The following FLT1 variants were observed in gnomAD, a reference collection of about 807,000 sequenced individuals.
FLT1 encodes the protein vascular endothelial growth factor receptor 1.
A neutral mutation model predicts 156.3 loss-of-function variants in FLT1; 49 were observed. The observed-to-expected ratio is 0.31, with a 90% CI of 0.25 to 0.40. FLT1 has a LOEUF of 0.40. Among genes scored for constraint, FLT1 ranks in the 10% least tolerant of loss-of-function variants. The pLI is 1.00. For missense variants in FLT1, 1,322 were observed against 1,637.2 expected, an observed-to-expected ratio of 0.81 and a Z score of 3.32; for synonymous variants, 594 against 583.8, an observed-to-expected ratio of 1.02 and a Z score of -0.25.
intron 23 of FLT1, among the ~76,000 whole-genome samples, chr13:28,319,896 G>A (rs1383773097): frequency 6.6e-6 from 1 of 152,214 alleles, no homozygotes; most frequent in Non-Finnish European, 1.5e-5. Context: ...AAGATATCCT[G>A]AAAACTGGTG....
At chr13:28,431,890 A>G (rs112506189) in intron 6 of FLT1, among the ~76,000 whole-genome samples, 2,031 of 139,192 alleles carry the variant, frequency 0.015, 58 homozygotes, top group African/African-American at 0.05. Context: ...TGTACTTACT[A>G]AGGTGGAATA....
At chr13:28,427,082 T>C (rs753891497) in intron 10 of FLT1, 77 bp downstream of exon 10, 142 of 1,326,788 alleles carry the variant, frequency 1.1e-4, no homozygotes, top group Non-Finnish European at 1.4e-4. Context: ...CAGATTCCCA[T>C]CTGCGTCCAT....
chr13:28,360,191 T>G (rs773571918), intron 14 of FLT1, among the ~76,000 whole-genome samples: 50 of 152,134 alleles, frequency 3.3e-4, no homozygotes, highest in Non-Finnish European at 4.9e-4. Context: ...AGATCACAAG[T>G]GTTGATGAGG....
chr13:28,305,986 G>A (rs533320663), intron 29 of FLT1, among the ~76,000 whole-genome samples: 15 of 152,266 alleles, frequency 9.9e-5, no homozygotes, highest in African/African-American at 2.9e-4. Flanking sequence ...TTCTGCCTTC[G>A]GGTGAGACAG....
chr13:28,492,768 C>T (rs1040083896), intron 1 of FLT1, among the ~76,000 whole-genome samples: 10 of 152,120 alleles, frequency 6.6e-5, no homozygotes, highest in Admixed American at 4.6e-4. Context: ...GTAAAGTAGG[C>T]GGTAGCTGAT....
intron 1 of FLT1, among the ~76,000 whole-genome samples, chr13:28,494,064 C>T (rs1305368700): frequency 6.6e-6 from 1 of 152,226 alleles, no homozygotes; most frequent in Admixed American, 6.5e-5. Flanking sequence ...GAGGCCCCAC[C>T]CGGGTGGCTG....
chr13:28,387,146 A>G (rs1874412335), intron 13 of FLT1: 1 of 1,035,404 alleles, frequency 9.7e-7, no homozygotes, highest in Non-Finnish European at 1.2e-6. Context: ...CACAAACTTC[A>G]GATGATAGAA....
Position 28,430,114 on chromosome 13 carries a change from C to G in FLT1, c.1042G>C (p.Ala348Pro). Residue 348 changes from alanine (A) to proline (P), a missense_variant, in exon 8 of 30, where the codon GCT becomes CCT. Physicochemically the swap from Ala to Pro is conservative, Grantham distance 27. Coordinates refer to ENST00000282397, the MANE Select transcript of FLT1 (RefSeq NM_002019.4). ...HRKQQVLETV[A>P]GKRSYRLSMK... ...GAGAGCCGGTAAGACCGCTTGCCAGCTACGGTTTCAAGCACCTGCTGTTTT... is the reference window on the plus strand; with the variant it reads ...GAGAGCCGGTAAGACCGCTTGCCAGGTACGGTTTCAAGCACCTGCTGTTTT... 6.2e-7 allele frequency: 1 copy of G among 1,614,024 alleles called. No homozygotes were observed. The highest frequency in any genetic ancestry group is 8.5e-7 in the Non-Finnish European group (1 of 1,179,900).
At chr13:28,305,605 G>A (rs1481568478) in intron 29 of FLT1, among the ~76,000 whole-genome samples, 1 of 152,220 alleles carries the variant, frequency 6.6e-6, no homozygotes, top group Non-Finnish European at 1.5e-5. Flanking sequence ...TGTAAATACA[G>A]TGTGTGGGAA....
chr13:28,399,985 G>A (rs1177472452), intron 11 of FLT1, among the ~76,000 whole-genome samples: 1 of 152,178 alleles, frequency 6.6e-6, no homozygotes, highest in African/African-American at 2.4e-5. Context: ...GGACAACTGA[G>A]GTTCCGAGAG....
intron 13 of FLT1, chr13:28,387,487 G>A (rs1874429896): frequency 9.4e-7 from 1 of 1,059,858 alleles, no homozygotes; most frequent in African/African-American, 1.6e-5. Flanking sequence ...CCTTCAAATT[G>A]AGAAAATCAG....
chr13:28,399,577 C>T (rs940106796), intron 11 of FLT1, among the ~76,000 whole-genome samples: 8 of 152,070 alleles, frequency 5.3e-5, no homozygotes, highest in African/African-American at 1.9e-4. Flanking sequence ...TGGGAATGGC[C>T]GTGGCCATTT....
chr13:28,321,277 G>A (rs1871449328), intron 23 of FLT1, among the ~76,000 whole-genome samples, 186 bp downstream of exon 23: 2 of 152,226 alleles, frequency 1.3e-5, no homozygotes, highest in South Asian at 4.1e-4. Flanking sequence ...AGAAGCAGGA[G>A]ACAGTGGCCT....
At chr13:28,421,995 T>C (rs980490309) in intron 10 of FLT1, among the ~76,000 whole-genome samples, 2 of 152,246 alleles carry the variant, frequency 1.3e-5, no homozygotes, top group African/African-American at 4.8e-5. Flanking sequence ...GTAGATATTT[T>C]ACAGATACAT....
rs188497912 is a variant in FLT1 at position 28,360,377 on chromosome 13, G to A, written c.2117-2692C>T. The stretch of plus-strand genomic sequence containing the variant: ...TTGAAATCAAGGATGCTGAAGAGAT[G>A]TCTGCATTCCCATGTTTATTGCAGC... On this transcript the variant is annotated intron_variant, in intron 14 of 29. Transcript: ENST00000282397. Among the ~76,000 whole-genome samples, 17 of 152,326 alleles carry A rather than the reference G, an allele frequency of 1.1e-4. No homozygotes were observed. The East Asian group carries it at 3.1e-3, about 28-fold the overall frequency.
At chr13:28,490,401 A>G (rs1454520300) in intron 1 of FLT1, among the ~76,000 whole-genome samples, 4 of 152,248 alleles carry the variant, frequency 2.6e-5, no homozygotes, top group Non-Finnish European at 5.9e-5. Context: ...TATCTTCAGC[A>G]GACTCAATGC....
At chr13:28,490,656 G>T (rs140843233) in intron 1 of FLT1, among the ~76,000 whole-genome samples, 50 of 152,248 alleles carry the variant, frequency 3.3e-4, no homozygotes, top group Admixed American at 9.2e-4. Flanking sequence ...TCCTATAAAC[G>T]AAGGCCAATG....
At chr13:28,355,789 GA>G (rs1426414820) in intron 15 of FLT1, among the ~76,000 whole-genome samples, 2 of 152,228 alleles carry the variant, frequency 1.3e-5, no homozygotes, top group Non-Finnish European at 2.9e-5. Flanking sequence ...CTGGAGCAGT[GA>G]AAGAATAACA....
rs566135454 is a variant in FLT1, at chr13:28,347,302, C to A, written c.2249-1751G>T. 8.6e-5 allele frequency among the ~76,000 whole-genome samples: 13 copies of A among 151,852 alleles called. No individual in the cohort carries two copies. The East Asian group carries it at 2.3e-3, about 27-fold the overall frequency. On this transcript the variant is annotated intron_variant, in intron 15 of 29. Transcript: ENST00000282397. ...CTTTGGGAGGCCGAGACGGGCAGATCACCTGAGGTCAGGAGTTCAAAACCA... is the reference window on the plus strand; with the variant it reads ...CTTTGGGAGGCCGAGACGGGCAGATAACCTGAGGTCAGGAGTTCAAAACCA...
Sources: gnomAD v4.1 joint callset for allele counts (sites outside exome capture counted in the v4.1 genomes callset) on GRCh38, gnomAD v4.1.1 for gene constraint, MANE v1.5 for transcripts, NCBI Gene and HGNC (gene_info 2026-07-23, HGNC 2026-07-21) for gene names.